The following GRM5 variants were observed in gnomAD, a reference collection of about 807,000 sequenced individuals.
The protein encoded by GRM5 is metabotropic glutamate receptor 5.
GRM5 carries 19 observed loss-of-function variants against 83.1 expected under a neutral mutation model. The ratio of observed to expected loss-of-function variants is 0.23; its 90% confidence interval spans 0.16 to 0.34. The LOEUF is 0.34. Ranked by LOEUF, GRM5 falls within the 10% of genes least tolerant of loss-of-function variation. The probability of loss-of-function intolerance (pLI) is 1.00; values close to 1 mark genes in which losing one functional copy is unlikely to be tolerated. For missense variants in GRM5, 1,160 were observed against 1,588.3 expected (o/e 0.73, Z 4.58); for synonymous variants, 675 against 633.6 (o/e 1.07, Z -0.98).
intron 4 of GRM5, among the ~76,000 whole-genome samples, chr11:88,648,122 A>G (rs1026038013): frequency 6.6e-6 from 1 of 152,186 alleles, no homozygotes; most frequent in African/African-American, 2.4e-5. Context: ...TAGAACTAGA[A>G]ATACAATTTG....
chr11:88,623,205 C>G (rs1938690620), intron 4 of GRM5, among the ~76,000 whole-genome samples: 1 of 152,186 alleles, frequency 6.6e-6, no homozygotes. Flanking sequence ...CCTGCCTCAG[C>G]CTTCCGAGTA....
chr11:89,021,794 C>T (rs1272399329), intron 2 of GRM5, among the ~76,000 whole-genome samples: 2 of 152,166 alleles, frequency 1.3e-5, no homozygotes, highest in Non-Finnish European at 1.5e-5. Context: ...GGGGTTATAA[C>T]GTCTTCCTCA....
chr11:88,599,087 G>A (rs1051640871), intron 5 of GRM5, among the ~76,000 whole-genome samples: 1 of 152,148 alleles, frequency 6.6e-6, no homozygotes, highest in Non-Finnish European at 1.5e-5. Context: ...GTAGAGCTAA[G>A]AGATCATATT....
At chr11:88,622,554 A>G (rs553856270) in intron 4 of GRM5, among the ~76,000 whole-genome samples, 4 of 152,288 alleles carry the variant, frequency 2.6e-5, no homozygotes, top group African/African-American at 9.6e-5. Context: ...GGGATCACCC[A>G]GCTCAGCACA....
intron 2 of GRM5, among the ~76,000 whole-genome samples, chr11:88,964,354 T>C (rs1485403453): frequency 7.2e-6 from 1 of 138,312 alleles, no homozygotes; most frequent in Non-Finnish European, 1.6e-5. Context: ...AACAGTAGAA[T>C]AGGCAGGGCA....
intron 8 of GRM5, among the ~76,000 whole-genome samples, chr11:88,551,035 G>C (rs1368767866): frequency 6.6e-6 from 1 of 151,736 alleles, no homozygotes; most frequent in Non-Finnish European, 1.5e-5. Context: ...ATGGTTCAGT[G>C]AATATCTATG....
rs117721139 is a variant in GRM5, at chr11:88,673,138, G to A, written c.912-19735C>T. 2.1e-3 allele frequency among the ~76,000 whole-genome samples: 315 copies of A among 151,978 alleles called. 8 individuals carry two copies. In the East Asian group the frequency reaches 0.051, roughly 24 times the overall value. ...TATTTTATAGATGACTCTTATTTGC[G>A]AATGGATTTAAACGTTTTCCATTTT... On this transcript the variant is annotated intron_variant, in intron 3 of 9. Coordinates refer to ENST00000305447, the MANE Select transcript of GRM5 (RefSeq NM_001143831.3).
chr11:88,729,491 T>A (rs895919702), intron 3 of GRM5, among the ~76,000 whole-genome samples: 2 of 152,322 alleles, frequency 1.3e-5, no homozygotes, highest in African/African-American at 4.8e-5. Flanking sequence ...CCCATCAGGC[T>A]ACCATTGACT....
At chr11:88,921,359 C>T (rs987272110) in intron 2 of GRM5, among the ~76,000 whole-genome samples, 2 of 152,168 alleles carry the variant, frequency 1.3e-5, no homozygotes, top group African/African-American at 4.8e-5. Flanking sequence ...CGCAGTGGCT[C>T]ATGCCTGTAA....
chr11:88,901,278 A>G (rs2135595615), intron 2 of GRM5, among the ~76,000 whole-genome samples: 1 of 152,264 alleles, frequency 6.6e-6, no homozygotes, highest in Admixed American at 6.5e-5. Flanking sequence ...ATTGACTTTG[A>G]TGTTGTTATA....
At chr11:89,033,654 G>A (rs1391943691) in intron 2 of GRM5, among the ~76,000 whole-genome samples, 1 of 151,706 alleles carries the variant, frequency 6.6e-6, no homozygotes, top group South Asian at 2.1e-4. Flanking sequence ...TTGATAGATT[G>A]AAGGTAAAAG....
At chr11:88,822,039 G>T (rs909333594) in intron 3 of GRM5, among the ~76,000 whole-genome samples, 14 of 152,132 alleles carry the variant, frequency 9.2e-5, no homozygotes, top group Admixed American at 7.9e-4. Context: ...GAATTGAGAA[G>T]AGATGATTAC....
chr11:88,825,400 A>G (rs1375154929), intron 3 of GRM5, among the ~76,000 whole-genome samples: 2 of 152,144 alleles, frequency 1.3e-5, no homozygotes, highest in Non-Finnish European at 2.9e-5. Flanking sequence ...CTATATTTAC[A>G]TTAGCCCAAT....
At chr11:88,606,144 A>G (rs540773295) in intron 4 of GRM5, among the ~76,000 whole-genome samples, 19 of 152,272 alleles carry the variant, frequency 1.2e-4, no homozygotes, top group Middle Eastern at 3.4e-3. Flanking sequence ...AAGGAAATCA[A>G]TGACCAGCAC....
chr11:88,911,670 G>A (rs968740096), intron 2 of GRM5, among the ~76,000 whole-genome samples: 1 of 152,058 alleles, frequency 6.6e-6, no homozygotes, highest in African/African-American at 2.4e-5. Flanking sequence ...ACCTCTTTAG[G>A]CTATGTTTCC....
At chr11:88,827,469 T>G (rs934274870) in intron 3 of GRM5, among the ~76,000 whole-genome samples, 1 of 152,250 alleles carries the variant, frequency 6.6e-6, no homozygotes, top group African/African-American at 2.4e-5. Flanking sequence ...CTATGTAAAC[T>G]TTGCTTTAGG....
At chr11:88,987,603 T>C (rs1307245568) in intron 2 of GRM5, among the ~76,000 whole-genome samples, 1 of 152,088 alleles carries the variant, frequency 6.6e-6, no homozygotes, top group Admixed American at 6.5e-5. Flanking sequence ...CAGACTTAAA[T>C]GTCCTTGTCT....
At chr11:88,919,362 A>G (rs539048976) in intron 2 of GRM5, among the ~76,000 whole-genome samples, 1 of 149,790 alleles carries the variant, frequency 6.7e-6, no homozygotes, top group South Asian at 2.1e-4. Flanking sequence ...AATTTTAAAT[A>G]TATATGCGCC....
intron 5 of GRM5, among the ~76,000 whole-genome samples, chr11:88,602,254 A>G (rs1263916326): frequency 6.6e-6 from 1 of 152,150 alleles, no homozygotes; most frequent in Non-Finnish European, 1.5e-5. Context: ...GCTATTACAT[A>G]TTATGTTAGG....
Sources: allele counts gnomAD v4.1 joint callset (sites outside exome capture counted in the v4.1 genomes callset), GRCh38; gene constraint gnomAD v4.1.1; transcripts MANE v1.5; gene names NCBI Gene and HGNC (gene_info 2026-07-23, HGNC 2026-07-21).